ANPEP: variants seen among roughly 807,000 people sequenced by gnomAD.
ANPEP encodes the protein aminopeptidase N.
ANPEP carries 70 observed loss-of-function variants against 114.6 expected under a neutral mutation model. The ratio of observed to expected loss-of-function variants is 0.61; its 90% confidence interval spans 0.50 to 0.75. The LOEUF is 0.75. Ranked by LOEUF, ANPEP falls within the 30% of genes least tolerant of loss-of-function variation. The probability of loss-of-function intolerance (pLI) is 0.00; values close to 1 mark genes in which losing one functional copy is unlikely to be tolerated. For missense variants in ANPEP, 1,184 were observed against 1,259.5 expected, an observed-to-expected ratio of 0.94 and a Z score of 0.91; for synonymous variants, 548 against 522.3, an observed-to-expected ratio of 1.05 and a Z score of -0.67.
chr15:89,791,746 C>T (rs1968632166), intron 18 of ANPEP, among the ~76,000 whole-genome samples: 1 of 152,098 alleles, frequency 6.6e-6, no homozygotes, highest in South Asian at 2.1e-4. Flanking sequence ...AGCCACCACA[C>T]CCTGCCCAAG....
Position 89,801,541 on chromosome 15 carries a change from G to A in ANPEP, c.1636C>T (p.Gln546Ter), listed in dbSNP as rs1028569349. 1 of 1,614,202 alleles carries A rather than the reference G, an allele frequency of 6.2e-7. No homozygotes were observed. Among genetic ancestry groups the A allele is most frequent in the Non-Finnish European group, 8.5e-7 (1 of 1,180,014 alleles). The stretch of plus-strand genomic sequence containing the variant: ...ACCGTGATGACCGGGAAGCCCATCT[G>A]CAGGGTCCAGCGGTTCATGATGTCC... The part of the protein sequence containing the change: ...VRDIMNRWTL[Q>*]MGFPVITVDT... Residue 546 changes from glutamine to a stop codon, truncating the protein, a stop_gained, in exon 11 of 21, where the codon CAG (glutamine) becomes TAG (stop). Coordinates refer to ENST00000300060, the MANE Select transcript of ANPEP (RefSeq NM_001150.3). LOFTEE classifies it high-confidence loss of function.
intron 1 of ANPEP, among the ~76,000 whole-genome samples, chr15:89,813,705 C>T (rs1052998643): frequency 6.6e-6 from 1 of 152,192 alleles, no homozygotes; most frequent in Admixed American, 6.5e-5. Context: ...CACCCCTACC[C>T]CACACGCCCA....
intron 1 of ANPEP, among the ~76,000 whole-genome samples, chr15:89,807,633 A>G (rs368092327): frequency 2.1e-3 from 317 of 152,294 alleles, no homozygotes; most frequent in African/African-American, 7.3e-3. Context: ...TCCGGGAGGC[A>G]GAGATTGCAG....
At chr15:89,797,976 A>T (rs1596164919) in intron 14 of ANPEP, among the ~76,000 whole-genome samples, 1 of 152,214 alleles carries the variant, frequency 6.6e-6, no homozygotes, top group African/African-American at 2.4e-5. Context: ...TTTGCTTATT[A>T]TCCCCATTTT....
chr15:89,787,105 G>C (rs1394673907), intron 20 of ANPEP, among the ~76,000 whole-genome samples: 2 of 144,236 alleles, frequency 1.4e-5, no homozygotes, highest in Non-Finnish European at 3.0e-5. Flanking sequence ...GAGTGCAGTG[G>C]TGCGATCTCA....
Position 89,790,460 on chromosome 15 carries a change from C to G in ANPEP, c.2751G>C (p.Gln917His). 1 of 1,613,614 alleles carries G rather than the reference C, an allele frequency of 6.2e-7. No homozygotes were observed. The highest frequency in any genetic ancestry group is 8.5e-7 in the Non-Finnish European group (1 of 1,179,636). The change falls in exon 20 of 21, where the codon CAG becomes CAC. Residue 917 changes from glutamine to histidine, a missense_variant and splice_region_variant. Gln to His is a conservative substitution (Grantham distance 24). Transcript: ENST00000300060. The part of the protein sequence containing the change: ...RRFSTEYELQ[Q>H]LEQFKKDNEE... ...CCAGGTCTGGGGAATGACTTCTTAC[C>G]TGCTGCAGCTCATACTCGGTGGAGA...
rs148757002 is a variant in ANPEP, at chr15:89,803,940, G to A, written c.1242C>T (p.Ala414=). Residue 414 remains alanine, a synonymous_variant, in exon 7 of 21, where the codon GCC becomes GCT. Coordinates refer to ENST00000300060, the MANE Select transcript of ANPEP (RefSeq NM_001150.3). This position sits in a 1 kb window ranked among gnomAD's most constrained non-coding sequence, Gnocchi z 4.2. ...CAGCACCCAGGTACTCCACGTAGGA[G>A]GCGAAGCCCTCGTTCAGCCACAGGT... ...WNDLWLNEGF[A]SYVEYLGADY... 7 of 1,614,186 alleles carry A rather than the reference G, an allele frequency of 4.3e-6. No homozygotes were observed. Among genetic ancestry groups the A allele is most frequent in the Middle Eastern group, 3.3e-4 (2 of 6,062 alleles).
rs150790591 is a variant in ANPEP, at chr15:89,801,491, G to C, written c.1686C>G (p.Ser562=). ...CGGGGTCAAGGAGGAAGTGCTCCTG[G>C]GAAAGGGTCCCCGTGCTGGTATCCA... ...ITVDTSTGTL[S]QEHFLLDPDS... Residue 562 remains serine, a synonymous_variant, in exon 11 of 21, where the codon TCC becomes TCG. Transcript: ENST00000300060. 3.6e-4 allele frequency: 578 copies of C among 1,614,168 alleles called. 1 individual carries two copies. The African/African-American group carries it at 7.2e-3, about 20-fold the overall frequency.
chr15:89,789,498 C>T (rs891515016), intron 20 of ANPEP, among the ~76,000 whole-genome samples: 9 of 151,968 alleles, frequency 5.9e-5, no homozygotes, highest in Non-Finnish European at 7.4e-5. Flanking sequence ...TATTGCTGGG[C>T]GCAGTGGCTC....
Position 89,803,844 on chromosome 15 carries a change from C to T in ANPEP, c.1293+45G>A, listed in dbSNP as rs374946792. On this transcript the variant is annotated intron_variant, in intron 7 of 20. Coordinates refer to ENST00000300060, the MANE Select transcript of ANPEP (RefSeq NM_001150.3). This position sits in a 1 kb window ranked among gnomAD's most constrained non-coding sequence, Gnocchi z 4.2. ...CTGGCCTGGTAGCGGTGGCCCAGGTCTCCCTCCATGCCCCCCGCACCAGAC... is the reference window on the plus strand; with the variant it reads ...CTGGCCTGGTAGCGGTGGCCCAGGTTTCCCTCCATGCCCCCCGCACCAGAC... The T allele has an allele frequency of 3.6e-5, 58 of 1,613,216 alleles. No homozygotes were observed. The highest frequency in any genetic ancestry group is 4.7e-5 in the Non-Finnish European group (55 of 1,179,454).
rs1174099235 is a variant in ANPEP, at chr15:89,806,167, C to T, written c.417G>A (p.Leu139=). ...GGGGCTGGGAGCCTCCCACACCACGCAGGACCACCCTGTGCCCCTGGCTGA... is the reference window on the plus strand; with the variant it reads ...GGGGCTGGGAGCCTCCCACACCACGTAGGACCACCCTGTGCCCCTGGCTGA... ...YTLSQGHRVV[L]RGVGGSQPPD... Residue 139 remains leucine (L), a synonymous_variant, in exon 2 of 21, where the codon CTG becomes CTA. Coordinates refer to ENST00000300060, the MANE Select transcript of ANPEP (RefSeq NM_001150.3). This position sits in a 1 kb window ranked among gnomAD's most constrained non-coding sequence, Gnocchi z 5.7. The T allele has an allele frequency of 8.1e-6, 13 of 1,613,996 alleles. No individual in the cohort carries two copies. The highest frequency in any genetic ancestry group is 2.7e-5 in the African/African-American group (2 of 74,914).
rs190426215 is a variant in ANPEP, at chr15:89,790,095, C to T, written c.2751+365G>A. The stretch of plus-strand genomic sequence containing the variant: ...AAAAAATAAAAAAAATAAAAGAATG[C>T]GTTTATTTTTCATATGACTAAATTA... On this transcript the variant is annotated intron_variant, in intron 20 of 20. Coordinates refer to ENST00000300060, the MANE Select transcript of ANPEP (RefSeq NM_001150.3). Among the ~76,000 whole-genome samples the T allele has an allele frequency of 4.1e-4, 61 of 147,446 alleles. No homozygotes were observed. The East Asian group carries it at 0.011, about 27-fold the overall frequency.
At chr15:89,786,512 G>A (rs1277844132) in intron 20 of ANPEP, among the ~76,000 whole-genome samples, 1 of 151,426 alleles carries the variant, frequency 6.6e-6, no homozygotes, top group East Asian at 1.9e-4. Context: ...GCAAGATGGT[G>A]AAACCCTGTC....
intron 20 of ANPEP, among the ~76,000 whole-genome samples, chr15:89,787,550 A>AT (rs1968531075): frequency 6.6e-6 from 1 of 152,244 alleles, no homozygotes; most frequent in Non-Finnish European, 1.5e-5. Flanking sequence ...CAAAAGACCT[A>AT]TTAAGTGAGT....
At position 89,785,300 on chromosome 15, in the gene ANPEP, C is replaced by T. The variant is rs895202473; in HGVS notation, c.*49G>A. ...GCCCTGCACCAGCCGCTGGGATGGA[C>T]ACATGTGGGCACCTTGCATGGGGGC... On this transcript the variant is annotated 3_prime_UTR_variant, in exon 21 of 21. Transcript: ENST00000300060. 7 of 1,609,644 alleles carry T rather than the reference C, an allele frequency of 4.3e-6. No homozygotes were observed. In the African/African-American group the frequency reaches 8.0e-5, roughly 18 times the overall value.
At position 89,806,013 on chromosome 15, in the gene ANPEP, C is replaced by G; in HGVS notation, c.571G>C (p.Ala191Pro). The change falls in exon 2 of 21, where the codon GCG (alanine) becomes CCG (proline). Residue 191 changes from alanine to proline, a missense_variant. Physicochemically the swap from Ala to Pro is conservative, Grantham distance 27. Transcript: ENST00000300060. The surrounding 1 kb of genome is among the most constrained non-coding windows in gnomAD (Gnocchi z 5.7). Reference protein sequence around the residue: ...EFEGELADDLAGFYRSEYMEG... With the variant: ...EFEGELADDLPGFYRSEYMEG... Reference sequence around the variant, plus strand: ...ATGTACTCGCTGCGGTAGAAGCCCGCCAGGTCATCTGCCAACTCCCCCTCG... The same window carrying G: ...ATGTACTCGCTGCGGTAGAAGCCCGGCAGGTCATCTGCCAACTCCCCCTCG... 1 of 1,608,496 alleles carries G rather than the reference C, an allele frequency of 6.2e-7. No homozygotes were observed. The highest frequency in any genetic ancestry group is 1.1e-5 in the South Asian group (1 of 90,728).
rs1314494456 is a variant in ANPEP at position 89,791,437 on chromosome 15, T to C, written c.2529-344A>G. On this transcript the variant is annotated intron_variant, in intron 18 of 20. Transcript: ENST00000300060. ...GGCCCTTCTTTTCTTTTCTTTTCTT[T>C]TCTCTTTTCTTTTCTTTCGAGACGG... Among the ~76,000 whole-genome samples the C allele has an allele frequency of 1.3e-5, 2 of 151,928 alleles. 1 individual carries two copies. The highest frequency in any genetic ancestry group is 2.9e-5 in the Non-Finnish European group (2 of 67,970).
chr15:89,788,732 C>G (rs1968558113), intron 20 of ANPEP, among the ~76,000 whole-genome samples: 1 of 152,000 alleles, frequency 6.6e-6, no homozygotes, highest in South Asian at 2.1e-4. Context: ...TCCTGAGTAG[C>G]TAGGACTACA....
intron 20 of ANPEP, among the ~76,000 whole-genome samples, chr15:89,787,483 C>T (rs896993554): frequency 1.3e-5 from 2 of 151,298 alleles, no homozygotes; most frequent in African/African-American, 4.9e-5. Flanking sequence ...GTATAAGCAA[C>T]CAAAGGGAAA....
Sources: gnomAD v4.1 joint callset for allele counts (sites outside exome capture counted in the v4.1 genomes callset) on GRCh38, gnomAD v4.1.1 for gene constraint, Gnocchi (gnomAD v3.1) non-coding constraint, MANE v1.5 for transcripts, NCBI Gene and HGNC (gene_info 2026-07-23, HGNC 2026-07-21) for gene names.